Variants in KCNK1 observed in about 807,000 individuals in gnomAD.
KCNK1 encodes potassium two pore domain channel subfamily K member 1.
A neutral mutation model predicts 22.2 loss-of-function variants in KCNK1; 10 were observed. That is an observed-to-expected ratio of 0.45 (90% CI 0.28 to 0.76). The LOEUF (loss-of-function observed/expected upper bound fraction) is 0.76, where lower values mean the gene tolerates loss of function less well. Among genes scored for constraint, KCNK1 ranks in the 30% least tolerant of loss-of-function variants. KCNK1 has a pLI of 0.14. For missense variants in KCNK1, 378 were observed against 421.0 expected, an observed-to-expected ratio of 0.90 and a Z score of 0.89; for synonymous variants, 200 against 186.4, an observed-to-expected ratio of 1.07 and a Z score of -0.60.
intron 1 of KCNK1, among the ~76,000 whole-genome samples, chr1:233,662,932 G>A (rs920430787): frequency 6.6e-6 from 1 of 152,080 alleles, no homozygotes; most frequent in East Asian, 1.9e-4. Context: ...TAAATTCTTC[G>A]TGGTTTGTAA....
chr1:233,641,209 T>C (rs747605799), intron 1 of KCNK1, among the ~76,000 whole-genome samples: 18 of 152,218 alleles, frequency 1.2e-4, no homozygotes, highest in Non-Finnish European at 2.5e-4. Context: ...CACTCTACTT[T>C]CTGCCTGTCG....
chr1:233,630,922 C>T lies in KCNK1; in HGVS notation c.355+16396C>T, dbSNP rs893686244. On this transcript the variant is annotated intron_variant, in intron 1 of 2. Coordinates refer to ENST00000366621, the MANE Select transcript of KCNK1 (RefSeq NM_002245.4). ...AATGTCAACGTCAGACATGCTACCT[C>T]TCCAGGTCACCTTGGTCAAGTGCAC... The T allele has an allele frequency of 3.5e-5, 7 of 198,956 alleles. No individual in the cohort carries two copies. In the East Asian group the frequency reaches 9.7e-4, roughly 28 times the overall value. The allele number at this position is 198,956 out of a possible 1,614,324, so 12.3% of individuals were successfully genotyped here. A position where few individuals can be genotyped will look rare whatever the true frequency, so the allele number is the denominator to read the frequency against.
intron 1 of KCNK1, among the ~76,000 whole-genome samples, chr1:233,631,905 A>G (rs1166360970): frequency 1.3e-5 from 2 of 152,168 alleles, no homozygotes; most frequent in Non-Finnish European, 2.9e-5. Context: ...ACTGTCTTCT[A>G]GGTTGGTCCT....
chr1:233,662,268 T>TCCTC, intron 1 of KCNK1, among the ~76,000 whole-genome samples: 2 of 132,452 alleles, frequency 1.5e-5, no homozygotes, highest in South Asian at 2.3e-4. Flanking sequence ...TTCTTCTTCT[T>TCCTC]CTTCTCCTCC....
intron 1 of KCNK1, among the ~76,000 whole-genome samples, chr1:233,615,028 G>T (rs1224912404): frequency 6.6e-6 from 1 of 152,182 alleles, no homozygotes; most frequent in Non-Finnish European, 1.5e-5. Flanking sequence ...CCTTCTAAAG[G>T]GTCACCTTCC....
intron 1 of KCNK1, among the ~76,000 whole-genome samples, chr1:233,647,385 G>C (rs61824319): frequency 1.1e-3 from 162 of 152,304 alleles, no homozygotes; most frequent in Non-Finnish European, 2.0e-3. Context: ...AACATGAGTT[G>C]AAGAAACTTA....
chr1:233,669,441 A>G (rs1417658693), intron 2 of KCNK1, among the ~76,000 whole-genome samples: 2 of 152,236 alleles, frequency 1.3e-5, no homozygotes, highest in Non-Finnish European at 2.9e-5. Flanking sequence ...GAACCTGAGT[A>G]TCTAACAAAT....
intron 1 of KCNK1, among the ~76,000 whole-genome samples, chr1:233,662,274 C>CTT (rs1558119312): frequency 2.9e-4 from 27 of 94,350 alleles, no homozygotes; most frequent in Admixed American, 1.3e-3. Flanking sequence ...TTCTTCTTCT[C>CTT]CTCCTCCTCC....
Position 233,671,929 on chromosome 1 carries a change from A to C in KCNK1, c.*399A>C, listed in dbSNP as rs1051667510. On this transcript the variant is annotated 3_prime_UTR_variant, in exon 3 of 3. Coordinates refer to ENST00000366621, the MANE Select transcript of KCNK1 (RefSeq NM_002245.4). ...AAATTTATATTTAGAAGCAAAAAAA[A>C]AAAGCATAGAGATGTGTTTTATAAA... 1.0e-5 allele frequency: 2 copies of C among 193,300 alleles called. No homozygotes were observed. Among genetic ancestry groups the C allele is most frequent in the Non-Finnish European group, 2.2e-5 (2 of 92,902 alleles). The allele number at this position is 193,300 out of a possible 1,614,324, so 12.0% of individuals were successfully genotyped here. A position where few individuals can be genotyped will look rare whatever the true frequency, so the allele number is the denominator to read the frequency against.
At chr1:233,618,247 C>T (rs1289862365) in intron 1 of KCNK1, among the ~76,000 whole-genome samples, 1 of 152,048 alleles carries the variant, frequency 6.6e-6, no homozygotes, top group Non-Finnish European at 1.5e-5. Flanking sequence ...AAAGATACGG[C>T]AACATCTGCA....
intron 1 of KCNK1, among the ~76,000 whole-genome samples, chr1:233,633,610 C>G (rs1657842955): frequency 6.6e-6 from 1 of 152,056 alleles, no homozygotes; most frequent in South Asian, 2.1e-4. Flanking sequence ...TGATTAATGC[C>G]CTGTAAAATA....
intron 1 of KCNK1, among the ~76,000 whole-genome samples, chr1:233,652,389 G>C (rs976744746): frequency 6.6e-6 from 1 of 152,180 alleles, no homozygotes; most frequent in Admixed American, 6.5e-5. Flanking sequence ...ATAAACCCAT[G>C]GTTCAAATCC....
intron 1 of KCNK1, among the ~76,000 whole-genome samples, chr1:233,625,300 T>C (rs954526875): frequency 6.6e-6 from 1 of 152,236 alleles, no homozygotes; most frequent in African/African-American, 2.4e-5. Flanking sequence ...CAGCACCCTC[T>C]CTGGAATGGG....
At chr1:233,634,520 T>C (rs1657863059) in intron 1 of KCNK1, among the ~76,000 whole-genome samples, 1 of 152,164 alleles carries the variant, frequency 6.6e-6, no homozygotes, top group Non-Finnish European at 1.5e-5. Flanking sequence ...GTGCAGCAGT[T>C]GGAAGTGGCA....
At chr1:233,664,634 C>T (rs573449586) in intron 1 of KCNK1, among the ~76,000 whole-genome samples, 1 of 152,304 alleles carries the variant, frequency 6.6e-6, no homozygotes, top group African/African-American at 2.4e-5. Context: ...TGCCGTAGTT[C>T]ATTCATAAAC....
At position 233,632,054 on chromosome 1, in the gene KCNK1, C is replaced by T. The variant is rs184925474; in HGVS notation, c.355+17528C>T. On this transcript the variant is annotated intron_variant, in intron 1 of 2. Transcript: ENST00000366621. Reference sequence around the variant, plus strand: ...AAATTTACCCATCCTGTTCCCTCTTCCACGTGCGTGCTGCTGTGCTTACTG... The same window carrying T: ...AAATTTACCCATCCTGTTCCCTCTTTCACGTGCGTGCTGCTGTGCTTACTG... Among the ~76,000 whole-genome samples the T allele has an allele frequency of 4.1e-4, 63 of 152,304 alleles. No individual in the cohort carries two copies. The East Asian group carries it at 0.01, about 25-fold the overall frequency.
chr1:233,619,948 T>A (rs71638472), intron 1 of KCNK1, among the ~76,000 whole-genome samples: 42,390 of 137,554 alleles, frequency 0.31, 8,155 homozygotes, highest in Non-Finnish European at 0.42. Flanking sequence ...GGCAGGGGGG[T>A]GAAGAGTAGA....
intron 1 of KCNK1, among the ~76,000 whole-genome samples, chr1:233,653,006 AC>A: frequency 6.6e-6 from 1 of 152,072 alleles, no homozygotes; most frequent in Middle Eastern, 3.4e-3. Flanking sequence ...CAAACTGAAC[AC>A]TCTGGAGCCC....
chr1:233,666,879 G>T lies in KCNK1; in HGVS notation c.640G>T (p.Glu214Ter), dbSNP rs1038249755. 6.2e-7 allele frequency: 1 copy of T among 1,613,962 alleles called. No homozygotes were observed. The highest frequency in any genetic ancestry group is 8.5e-7 in the Non-Finnish European group (1 of 1,180,012). The stretch of plus-strand genomic sequence containing the variant: ...CCTGGAGGATGACTGGAACTTCCTG[G>T]AATCCTTTTATTTTTGTTTTATTTC... ...SVLEDDWNFL[E>*]SFYFCFISLS... is the part of the protein sequence containing the mutation. The change falls in exon 2 of 3, where the codon GAA becomes TAA. Residue 214 changes from glutamate (E) to a stop codon, truncating the protein, a stop_gained. Coordinates refer to ENST00000366621, the MANE Select transcript of KCNK1 (RefSeq NM_002245.4). LOFTEE classifies it high-confidence loss of function.
Sources: gnomAD v4.1 joint callset for allele counts (sites outside exome capture counted in the v4.1 genomes callset) on GRCh38, gnomAD v4.1.1 for gene constraint, MANE v1.5 for transcripts, NCBI Gene and HGNC (gene_info 2026-07-23, HGNC 2026-07-21) for gene names.